The following RPS6KC1 variants were observed in gnomAD, a reference collection of about 807,000 sequenced individuals.
RPS6KC1 encodes the protein inactive ribosomal protein S6 kinase delta-1.
RPS6KC1 carries 54 observed loss-of-function variants against 103.8 expected under a neutral mutation model. The ratio of observed to expected loss-of-function variants is 0.52; its 90% CI spans 0.42 to 0.65. The LOEUF (loss-of-function observed/expected upper bound fraction) is 0.65. RPS6KC1 is among the 30% of genes least tolerant of loss of function. The pLI is 0.00. For synonymous variants in RPS6KC1, 439 were observed against 438.7 expected, an observed-to-expected ratio of 1.00 and a Z score of -0.01; for missense variants, 1,151 against 1,253.8, an observed-to-expected ratio of 0.92 and a Z score of 1.24.
the RPS6KC1 span, among the ~76,000 whole-genome samples, chr1:213,639,426 C>T: frequency 6.6e-6 from 1 of 152,020 alleles, no homozygotes. Context: ...TCCTAGTTTA[C>T]TTTTCAACCT....
the RPS6KC1 span, among the ~76,000 whole-genome samples, chr1:213,777,887 G>A: frequency 3.3e-5 from 5 of 152,154 alleles, no homozygotes; most frequent in Non-Finnish European, 5.9e-5. Context: ...GGACTTTCAA[G>A]TGCTTTATGT....
the RPS6KC1 span, among the ~76,000 whole-genome samples, chr1:213,613,492 G>A: frequency 6.6e-6 from 1 of 152,302 alleles, no homozygotes; most frequent in African/African-American, 2.4e-5. Context: ...AGGGACTGTG[G>A]TGGACATCAG....
chr1:213,604,262 C>T, the RPS6KC1 span, among the ~76,000 whole-genome samples: 5 of 152,242 alleles, frequency 3.3e-5, no homozygotes, highest in Non-Finnish European at 7.3e-5. Flanking sequence ...TAGGTTGCAA[C>T]TTGCTGTTCC....
intron 6 of RPS6KC1, among the ~76,000 whole-genome samples, chr1:213,167,376 G>C (rs1168889481): frequency 1.3e-5 from 2 of 150,494 alleles, no homozygotes; most frequent in Non-Finnish European, 3.0e-5. Context: ...GTTCACTTCA[G>C]TTCAGCAAAC....
chr1:213,184,855 C>A (rs1439273764), intron 8 of RPS6KC1, among the ~76,000 whole-genome samples: 4 of 152,058 alleles, frequency 2.6e-5, no homozygotes, highest in African/African-American at 9.7e-5. Context: ...AGAAAAGATG[C>A]TTGACATGAT....
At chr1:213,152,339 C>T (rs1241584284) in intron 6 of RPS6KC1, among the ~76,000 whole-genome samples, 20 of 146,412 alleles carry the variant, frequency 1.4e-4, no homozygotes, top group Admixed American at 7.6e-4. Flanking sequence ...TGACCCCCCC[C>T]ACCTCCCTCC....
At chr1:213,569,812 T>C in the RPS6KC1 span, among the ~76,000 whole-genome samples, 1 of 152,172 alleles carries the variant, frequency 6.6e-6, no homozygotes, top group African/African-American at 2.4e-5. Context: ...CAAACAGGTA[T>C]TGAGAAACTC....
chr1:213,494,884 G>A, the RPS6KC1 span, among the ~76,000 whole-genome samples: 2 of 151,176 alleles, frequency 1.3e-5, no homozygotes, highest in Non-Finnish European at 1.5e-5. Flanking sequence ...AAAAAAAAAA[G>A]TAAATTTTAA....
At chr1:213,542,102 T>C in the RPS6KC1 span, among the ~76,000 whole-genome samples, 2 of 144,070 alleles carry the variant, frequency 1.4e-5, no homozygotes, top group Admixed American at 6.7e-5. Flanking sequence ...GAGGAATAAT[T>C]GATCCACTTA....
At chr1:213,203,406 A>G (rs61832460) in intron 8 of RPS6KC1, among the ~76,000 whole-genome samples, 1,582 of 152,282 alleles carry the variant, frequency 0.01, 11 homozygotes, top group Middle Eastern at 0.017. Flanking sequence ...CCATTTGCTG[A>G]TGAAAATTTG....
the RPS6KC1 span, among the ~76,000 whole-genome samples, chr1:213,617,892 G>A: frequency 6.6e-6 from 1 of 152,204 alleles, no homozygotes; most frequent in African/African-American, 2.4e-5. Context: ...TTTAGACAGA[G>A]GGGTCTTCTC....
chr1:213,519,588 T>G, the RPS6KC1 span, among the ~76,000 whole-genome samples: 1 of 152,204 alleles, frequency 6.6e-6, no homozygotes, highest in African/African-American at 2.4e-5. Flanking sequence ...TTTAGGCTGC[T>G]TGAGGTTAAA....
the RPS6KC1 span, among the ~76,000 whole-genome samples, chr1:213,855,299 C>T: frequency 3.9e-5 from 6 of 152,264 alleles, no homozygotes; most frequent in East Asian, 7.7e-4. Flanking sequence ...CTATGAAAAA[C>T]GCTTATCAAG....
the RPS6KC1 span, among the ~76,000 whole-genome samples, chr1:213,637,707 C>A: frequency 6.6e-6 from 1 of 152,262 alleles, no homozygotes; most frequent in East Asian, 1.9e-4. Flanking sequence ...ATGTAGGAGA[C>A]TTTCAGTTGC....
chr1:213,308,481 A>G, the RPS6KC1 span, among the ~76,000 whole-genome samples: 7 of 152,156 alleles, frequency 4.6e-5, no homozygotes, highest in African/African-American at 1.7e-4. Flanking sequence ...TTCTCCATTG[A>G]GACTCACTGA....
the RPS6KC1 span, among the ~76,000 whole-genome samples, chr1:213,796,620 C>T: frequency 5.3e-5 from 8 of 152,090 alleles, no homozygotes; most frequent in Admixed American, 5.2e-4. Context: ...CAGTCACAGG[C>T]GAATCTTGTG....
chr1:213,506,992 T>C, the RPS6KC1 span, among the ~76,000 whole-genome samples: 1 of 152,192 alleles, frequency 6.6e-6, no homozygotes, highest in Non-Finnish European at 1.5e-5. Flanking sequence ...TGACACATAA[T>C]TTGCTCCTCT....
the RPS6KC1 span, among the ~76,000 whole-genome samples, chr1:213,836,902 C>T: frequency 6.6e-6 from 1 of 152,178 alleles, no homozygotes; most frequent in Non-Finnish European, 1.5e-5. Context: ...TCAGCAACCT[C>T]TTTGGCTGAA....
chr1:213,783,815 C>CAAAAAAAAAAA, the RPS6KC1 span, among the ~76,000 whole-genome samples: 29 of 65,982 alleles, frequency 4.4e-4, no homozygotes, highest in African/African-American at 9.6e-4. Context: ...AAGATGTTGC[C>CAAAAAAAAAAA]AAAAAAAAAA....
Sources: gnomAD v4.1 joint callset for allele counts (sites outside exome capture counted in the v4.1 genomes callset) on GRCh38, gnomAD v4.1.1 for gene constraint, MANE v1.5 for transcripts, NCBI Gene and HGNC (gene_info 2026-07-23, HGNC 2026-07-21) for gene names.